Variants in SLC24A2 observed in about 807,000 individuals in gnomAD.
The protein encoded by SLC24A2 is solute carrier family 24 member 2.
Under a neutral mutation model 62.0 loss-of-function variants are expected in SLC24A2, and 36 were observed. That is an observed-to-expected ratio of 0.58 (90% CI 0.44 to 0.77). The LOEUF (loss-of-function observed/expected upper bound fraction) is 0.77. Among genes scored for constraint, SLC24A2 ranks in the 30% least tolerant of loss-of-function variants. The probability of loss-of-function intolerance (pLI) is 0.00; values close to 1 mark genes in which losing one functional copy is unlikely to be tolerated. For synonymous variants in SLC24A2, 358 were observed against 294.0 expected (o/e 1.22, Z -2.23); for missense variants, 846 against 817.9 (o/e 1.03, Z -0.42).
the SLC24A2 span, among the ~76,000 whole-genome samples, chr9:20,008,046 C>A: frequency 1.3e-5 from 2 of 151,666 alleles, no homozygotes; most frequent in South Asian, 2.1e-4. Context: ...CAGGTGCGCA[C>A]CACCATGCCC....
At chr9:19,895,814 A>C in the SLC24A2 span, 2 of 1,599,950 alleles carry the variant, frequency 1.3e-6, no homozygotes, top group South Asian at 1.1e-5. Flanking sequence ...CTTGGGTTGC[A>C]GCTGGTGTGG....
At chr9:19,701,483 T>G (rs960041574) in intron 2 of SLC24A2, among the ~76,000 whole-genome samples, 42 of 152,200 alleles carry the variant, frequency 2.8e-4, no homozygotes, top group African/African-American at 1.0e-3. Flanking sequence ...TGAGCTGTGT[T>G]GTATTAGTTT....
At chr9:20,295,322 T>C in the SLC24A2 span, among the ~76,000 whole-genome samples, 1 of 152,208 alleles carries the variant, frequency 6.6e-6, no homozygotes, top group Admixed American at 6.5e-5. Flanking sequence ...CTGCATCATA[T>C]TAGTTTCATC....
At chr9:20,298,959 G>C in the SLC24A2 span, among the ~76,000 whole-genome samples, 1 of 152,224 alleles carries the variant, frequency 6.6e-6, no homozygotes, top group Non-Finnish European at 1.5e-5. Context: ...TGAACAGGGA[G>C]GATCCTAGAG....
At chr9:20,155,439 G>A in the SLC24A2 span, among the ~76,000 whole-genome samples, 1 of 151,676 alleles carries the variant, frequency 6.6e-6, no homozygotes, top group Admixed American at 6.6e-5. Flanking sequence ...TACAATTACA[G>A]AAGAGATCAT....
the SLC24A2 span, among the ~76,000 whole-genome samples, chr9:20,062,058 T>A: frequency 6.6e-6 from 1 of 151,960 alleles, no homozygotes; most frequent in East Asian, 1.9e-4. Context: ...AAACACAGCA[T>A]CTCTCCAAAA....
the SLC24A2 span, among the ~76,000 whole-genome samples, chr9:19,999,739 T>C: frequency 6.6e-6 from 1 of 152,192 alleles, no homozygotes; most frequent in Non-Finnish European, 1.5e-5. Flanking sequence ...ATTACAGGGC[T>C]GACCTCCTGT....
intron 5 of SLC24A2, among the ~76,000 whole-genome samples, chr9:19,596,178 T>C (rs1036074012): frequency 6.6e-6 from 1 of 152,214 alleles, no homozygotes; most frequent in African/African-American, 2.4e-5. Flanking sequence ...GATGTTTCAC[T>C]TCTTGCATGC....
the SLC24A2 span, among the ~76,000 whole-genome samples, chr9:20,196,379 C>T: frequency 6.6e-6 from 1 of 152,216 alleles, no homozygotes; most frequent in Non-Finnish European, 1.5e-5. Flanking sequence ...CTTGCATTTT[C>T]TAACTAGTGA....
chr9:20,230,262 C>A, the SLC24A2 span, among the ~76,000 whole-genome samples: 1 of 152,132 alleles, frequency 6.6e-6, no homozygotes, highest in Non-Finnish European at 1.5e-5. Flanking sequence ...AATGGGATGG[C>A]TGGGTCAAAT....
the SLC24A2 span, among the ~76,000 whole-genome samples, chr9:20,300,450 T>C: frequency 6.6e-6 from 1 of 152,330 alleles, no homozygotes; most frequent in East Asian, 1.9e-4. Context: ...CCTCTAACAG[T>C]GCCTGGTATA....
chr9:19,783,308 G>A (rs752374119), intron 2 of SLC24A2, among the ~76,000 whole-genome samples: 6 of 152,084 alleles, frequency 3.9e-5, no homozygotes, highest in Admixed American at 6.6e-5. Context: ...CCATAATTTT[G>A]CAAACAGGAC....
chr9:20,186,693 G>GA, the SLC24A2 span, among the ~76,000 whole-genome samples: 54 of 149,546 alleles, frequency 3.6e-4, no homozygotes, highest in Admixed American at 1.7e-3. Flanking sequence ...TTTCTCATCT[G>GA]AAAAAAAAAG....
the SLC24A2 span, chr9:19,928,623 A>G: frequency 1.3e-5 from 2 of 152,214 alleles, no homozygotes; most frequent in African/African-American, 2.4e-5. Flanking sequence ...AATAATTACA[A>G]TCATCAAAAT....
chr9:20,061,542 C>A, the SLC24A2 span, among the ~76,000 whole-genome samples: 1 of 152,154 alleles, frequency 6.6e-6, no homozygotes, highest in Non-Finnish European at 1.5e-5. Context: ...CTGCCTCAGC[C>A]TCCCAAAGTG....
chr9:20,241,672 T>G, the SLC24A2 span, among the ~76,000 whole-genome samples: 1 of 152,098 alleles, frequency 6.6e-6, no homozygotes, highest in African/African-American at 2.4e-5. Context: ...TAAATTGCCA[T>G]CTGTCCTAGG....
intron 2 of SLC24A2, among the ~76,000 whole-genome samples, chr9:19,636,374 T>C (rs1195450644): frequency 1.8e-4 from 5 of 27,646 alleles, no homozygotes; most frequent in African/African-American, 7.9e-4. Flanking sequence ...TTTCTTTCTT[T>C]CTTTCTTTCT....
At chr9:20,100,845 A>G in the SLC24A2 span, among the ~76,000 whole-genome samples, 1 of 152,192 alleles carries the variant, frequency 6.6e-6, no homozygotes, top group East Asian at 1.9e-4. Context: ...CCATCCTCCT[A>G]CTACCTGACC....
At chr9:19,711,277 A>G (rs12553505) in intron 2 of SLC24A2, among the ~76,000 whole-genome samples, 23,747 of 152,258 alleles carry the variant, frequency 0.16, 2,116 homozygotes, top group Middle Eastern at 0.21. Flanking sequence ...TGACGGCTAA[A>G]GTTGTATGTG....
Sources: allele counts gnomAD v4.1 joint callset (sites outside exome capture counted in the v4.1 genomes callset), GRCh38; gene constraint gnomAD v4.1.1; transcripts MANE v1.5; gene names NCBI Gene and HGNC (gene_info 2026-07-23, HGNC 2026-07-21).